ABTB3: variants seen among roughly 807,000 people sequenced by gnomAD.
ABTB3 encodes ankyrin repeat- and BTB/POZ domain-containing protein 3.
the ABTB3 span, among the ~76,000 whole-genome samples, chr12:107,465,672 C>T: frequency 6.6e-6 from 1 of 152,154 alleles, no homozygotes; most frequent in Non-Finnish European, 1.5e-5. Context: ...GGCTGCCCTT[C>T]ATCACTAGGC....
At chr12:107,468,858 A>G in the ABTB3 span, among the ~76,000 whole-genome samples, 1 of 152,196 alleles carries the variant, frequency 6.6e-6, no homozygotes, top group African/African-American at 2.4e-5. Flanking sequence ...ATGATGTGGT[A>G]CAGCAGACAC....
chr12:107,581,091 G>A, the ABTB3 span: 5 of 1,544,896 alleles, frequency 3.2e-6, no homozygotes, highest in Non-Finnish European at 4.4e-6. Context: ...GGGCCAAGCC[G>A]GCAGCCCCTG....
At chr12:107,588,279 G>C in the ABTB3 span, among the ~76,000 whole-genome samples, 1 of 152,160 alleles carries the variant, frequency 6.6e-6, no homozygotes. Flanking sequence ...ATATCTTTTG[G>C]GGGGACACAT....
chr12:107,434,841 G>C, the ABTB3 span, among the ~76,000 whole-genome samples: 3 of 151,678 alleles, frequency 2.0e-5, no homozygotes, highest in African/African-American at 7.3e-5. Flanking sequence ...TCCAGCCTGG[G>C]TGACAGAGCA....
chr12:107,656,927 C>T, the ABTB3 span, among the ~76,000 whole-genome samples: 2,294 of 152,224 alleles, frequency 0.015, 34 homozygotes, highest in Non-Finnish European at 0.027. Context: ...CACTTTGGGA[C>T]GCCCGCCTTG....
chr12:107,503,668 G>C, the ABTB3 span, among the ~76,000 whole-genome samples: 1 of 149,308 alleles, frequency 6.7e-6, no homozygotes, highest in Admixed American at 6.8e-5. Context: ...GAGGTGGGAG[G>C]CTCACTTGAG....
chr12:107,516,882 T>C, the ABTB3 span, among the ~76,000 whole-genome samples: 1 of 152,212 alleles, frequency 6.6e-6, no homozygotes, highest in Non-Finnish European at 1.5e-5. Flanking sequence ...TCCAGATTAT[T>C]TTGTCCATGC....
At chr12:107,654,616 G>A in the ABTB3 span, among the ~76,000 whole-genome samples, 2 of 152,122 alleles carry the variant, frequency 1.3e-5, no homozygotes, top group Admixed American at 1.3e-4. Flanking sequence ...CCTGCTTTCA[G>A]TTATTTGGGG....
At chr12:107,641,310 ATTC>A in the ABTB3 span, among the ~76,000 whole-genome samples, 2 of 152,236 alleles carry the variant, frequency 1.3e-5, no homozygotes, top group African/African-American at 4.8e-5. Context: ...CCAATGTTAT[ATTC>A]TTAGTTTTGA....
chr12:107,404,330 C>CTT, the ABTB3 span, among the ~76,000 whole-genome samples: 1 of 152,130 alleles, frequency 6.6e-6, no homozygotes, highest in Admixed American at 6.5e-5. Flanking sequence ...CTGGAAAGAA[C>CTT]TTGCTTCCAC....
At chr12:107,541,438 T>C in the ABTB3 span, among the ~76,000 whole-genome samples, 1 of 152,258 alleles carries the variant, frequency 6.6e-6, no homozygotes, top group Non-Finnish European at 1.5e-5. Context: ...TTTCTCTCTC[T>C]CTCTCTTTCT....
At chr12:107,446,635 C>T in the ABTB3 span, among the ~76,000 whole-genome samples, 1 of 152,150 alleles carries the variant, frequency 6.6e-6, no homozygotes, top group East Asian at 1.9e-4. Context: ...AGAGCTTCAG[C>T]CCAGGGTCTA....
the ABTB3 span, among the ~76,000 whole-genome samples, chr12:107,478,012 A>G: frequency 9.5e-3 from 1,453 of 152,340 alleles, 35 homozygotes; most frequent in African/African-American, 0.033. Flanking sequence ...AAGAAGACCC[A>G]GTGTGGTAAA....
the ABTB3 span, among the ~76,000 whole-genome samples, chr12:107,524,880 G>T: frequency 6.6e-6 from 1 of 152,196 alleles, no homozygotes; most frequent in Non-Finnish European, 1.5e-5. Flanking sequence ...TTTGCAATTT[G>T]CTCTGTAGGG....
At chr12:107,503,491 T>C in the ABTB3 span, among the ~76,000 whole-genome samples, 1 of 151,862 alleles carries the variant, frequency 6.6e-6, no homozygotes, top group Non-Finnish European at 1.5e-5. Context: ...ATAAGGCCAG[T>C]CGAGGTGGCT....
chr12:107,358,331 T>C, the ABTB3 span, among the ~76,000 whole-genome samples: 4 of 152,138 alleles, frequency 2.6e-5, no homozygotes, highest in Admixed American at 1.3e-4. Context: ...GGGAATTAGC[T>C]CCACAGATAC....
chr12:107,359,232 A>G, the ABTB3 span, among the ~76,000 whole-genome samples: 1 of 152,254 alleles, frequency 6.6e-6, no homozygotes, highest in Non-Finnish European at 1.5e-5. Context: ...GATGCCCAAG[A>G]GATGGGATCA....
the ABTB3 span, among the ~76,000 whole-genome samples, chr12:107,447,696 G>A: frequency 3.9e-5 from 6 of 152,154 alleles, no homozygotes; most frequent in Non-Finnish European, 5.9e-5. Flanking sequence ...AAAAACCTAC[G>A]ACAGAGCTCA....
chr12:107,541,490 T>C, the ABTB3 span, among the ~76,000 whole-genome samples: 1 of 152,216 alleles, frequency 6.6e-6, no homozygotes, highest in Admixed American at 6.5e-5. Context: ...TTTTAAGGAA[T>C]TGGCTCATGT....
Sources: allele counts gnomAD v4.1 joint callset (sites outside exome capture counted in the v4.1 genomes callset), GRCh38; gene constraint gnomAD v4.1.1; transcripts MANE v1.5; gene names NCBI Gene and HGNC (gene_info 2026-07-23, HGNC 2026-07-21).